The following SLC39A11 variants were observed in gnomAD, a reference collection of about 807,000 sequenced individuals.
SLC39A11 encodes solute carrier family 39 member 11, also known as zinc transporter ZIP11.
SLC39A11 carries 33 observed loss-of-function variants against 36.1 expected under a neutral mutation model. The ratio of observed to expected loss-of-function variants is 0.91; its 90% CI spans 0.69 to 1.22. SLC39A11 has a LOEUF of 1.22. SLC39A11 is among the 50% of genes most tolerant of loss of function. SLC39A11 has a pLI of 0.00. For synonymous variants in SLC39A11, 166 were observed against 170.3 expected (o/e 0.97, Z 0.20); for missense variants, 432 against 430.3 (o/e 1.00, Z -0.03).
intron 5 of SLC39A11, among the ~76,000 whole-genome samples, chr17:72,904,028 A>G (rs1485246267): frequency 6.6e-6 from 1 of 152,212 alleles, no homozygotes; most frequent in African/African-American, 2.4e-5. Context: ...TGCTGTATAC[A>G]TGGGAACCCT....
intron 5 of SLC39A11, among the ~76,000 whole-genome samples, chr17:72,929,632 AG>A (rs2084261731): frequency 6.6e-6 from 1 of 152,186 alleles, no homozygotes; most frequent in Non-Finnish European, 1.5e-5. Context: ...TTTAAGATTA[AG>A]GGTGCAAATT....
chr17:72,965,616 G>A (rs770372249), intron 4 of SLC39A11, among the ~76,000 whole-genome samples: 41 of 152,128 alleles, frequency 2.7e-4, no homozygotes, highest in Non-Finnish European at 4.7e-4. Flanking sequence ...CAGCAGGTTC[G>A]GTGTATTAAA....
chr17:72,814,099 T>G (rs111569402), intron 6 of SLC39A11, among the ~76,000 whole-genome samples: 1 of 152,184 alleles, frequency 6.6e-6, no homozygotes, highest in African/African-American at 2.4e-5. Context: ...CACATGCGGC[T>G]TTTTACACTT....
At chr17:73,043,166 G>T (rs1568176649) in intron 3 of SLC39A11, among the ~76,000 whole-genome samples, 3 of 152,198 alleles carry the variant, frequency 2.0e-5, no homozygotes, top group Admixed American at 2.0e-4. Flanking sequence ...AGGGGCTCTG[G>T]AAGGCTGGAC....
chr17:72,986,492 C>CCT (rs1054446285), intron 4 of SLC39A11, among the ~76,000 whole-genome samples: 46 of 152,210 alleles, frequency 3.0e-4, no homozygotes. Context: ...GCCCACAGAC[C>CCT]CTCCAAGGAC....
At chr17:72,843,933 A>G (rs1294382221) in intron 6 of SLC39A11, among the ~76,000 whole-genome samples, 1 of 152,148 alleles carries the variant, frequency 6.6e-6, no homozygotes, top group Non-Finnish European at 1.5e-5. Context: ...ACTATTAACA[A>G]GCCTTCCATT....
chr17:72,815,460 A>T (rs1054072894), intron 6 of SLC39A11, among the ~76,000 whole-genome samples: 2 of 152,052 alleles, frequency 1.3e-5, no homozygotes, highest in African/African-American at 4.8e-5. Flanking sequence ...TCTACTAAAA[A>T]TACAAAATTA....
intron 4 of SLC39A11, among the ~76,000 whole-genome samples, chr17:73,018,037 C>A (rs2058224883): frequency 6.6e-6 from 1 of 152,166 alleles, no homozygotes; most frequent in Admixed American, 6.5e-5. Context: ...TCAGTTGAGA[C>A]CCTAAAGATC....
chr17:72,765,415 A>T (rs761683062), intron 6 of SLC39A11, among the ~76,000 whole-genome samples: 1 of 152,222 alleles, frequency 6.6e-6, no homozygotes, highest in African/African-American at 2.4e-5. Context: ...ATTATTGGAA[A>T]GGCTGAATTA....
intron 3 of SLC39A11, among the ~76,000 whole-genome samples, chr17:73,039,244 T>A (rs1307549946): frequency 2.0e-5 from 3 of 152,134 alleles, no homozygotes; most frequent in African/African-American, 7.2e-5. Context: ...TTTGGATTCA[T>A]CCCTCTCCCC....
intron 6 of SLC39A11, among the ~76,000 whole-genome samples, chr17:72,751,564 C>A (rs2075157902): frequency 6.6e-6 from 1 of 152,122 alleles, no homozygotes; most frequent in African/African-American, 2.4e-5. Flanking sequence ...CCATCGCCAC[C>A]ACCCATCTCC....
chr17:73,070,671 CAT>C (rs1480164777), intron 3 of SLC39A11, among the ~76,000 whole-genome samples: 1 of 152,174 alleles, frequency 6.6e-6, no homozygotes, highest in African/African-American at 2.4e-5. Context: ...ACAATTCCCA[CAT>C]GTTGTGGGAG....
chr17:72,714,339 G>A (rs2073247826), intron 7 of SLC39A11, among the ~76,000 whole-genome samples: 1 of 151,960 alleles, frequency 6.6e-6, no homozygotes, highest in Non-Finnish European at 1.5e-5. Context: ...CTGGGTAACA[G>A]AGTAAGGCTC....
At chr17:72,814,982 T>C (rs2077537233) in intron 6 of SLC39A11, among the ~76,000 whole-genome samples, 4 of 152,174 alleles carry the variant, frequency 2.6e-5, no homozygotes, top group Non-Finnish European at 5.9e-5. Context: ...CCTAAGGAAT[T>C]GGCAAGGCAA....
chr17:72,753,126 G>A (rs2075218344), intron 6 of SLC39A11, among the ~76,000 whole-genome samples: 1 of 152,196 alleles, frequency 6.6e-6, no homozygotes, highest in African/African-American at 2.4e-5. Flanking sequence ...CCAAAGTGCT[G>A]GGATTACAGG....
At chr17:72,862,848 A>G (rs2080111770) in intron 5 of SLC39A11, among the ~76,000 whole-genome samples, 1 of 152,184 alleles carries the variant, frequency 6.6e-6, no homozygotes, top group Non-Finnish European at 1.5e-5. Flanking sequence ...TGCATGCGGG[A>G]GCAGACTGTG....
intron 4 of SLC39A11, among the ~76,000 whole-genome samples, chr17:72,958,624 G>T (rs557051898): frequency 1.3e-5 from 2 of 152,208 alleles, no homozygotes; most frequent in Non-Finnish European, 2.9e-5. Context: ...GCCAAGGAAG[G>T]CATATCACCT....
intron 5 of SLC39A11, among the ~76,000 whole-genome samples, chr17:72,940,287 T>TTC (rs1437673627): frequency 3.3e-5 from 5 of 151,870 alleles, no homozygotes; most frequent in Non-Finnish European, 7.4e-5. Context: ...CTTTTTTTTT[T>TTC]TTTTTGAGAT....
Position 72,898,376 on chromosome 17 carries a change from C to A in SLC39A11, c.431-48572G>T, listed in dbSNP as rs2082138008. On this transcript the variant is annotated intron_variant, in intron 5 of 9. Coordinates refer to ENST00000255559, the MANE Select transcript of SLC39A11 (RefSeq NM_139177.4). ...CATCCACTCAGCTATACCGCTGCTA[C>A]TGGGGAGGAAATGTATTGTTGACCA... Among the ~76,000 whole-genome samples the A allele has an allele frequency of 3.3e-5, 5 of 152,170 alleles. No homozygotes were observed. In the South Asian group the frequency reaches 1.0e-3, roughly 32 times the overall value.
Sources: allele counts gnomAD v4.1 joint callset (sites outside exome capture counted in the v4.1 genomes callset), GRCh38; gene constraint gnomAD v4.1.1; transcripts MANE v1.5; gene names NCBI Gene and HGNC (gene_info 2026-07-23, HGNC 2026-07-21).